CDC25C: variants seen among roughly 807,000 people sequenced by gnomAD.
The protein encoded by CDC25C is M-phase inducer phosphatase 3.
Under a neutral mutation model 52.5 loss-of-function variants are expected in CDC25C, and 48 were observed. The observed-to-expected ratio is 0.91, with a 90% CI of 0.72 to 1.16. The LOEUF is 1.16. Ranked by LOEUF, CDC25C falls within the 50% of genes most tolerant of loss-of-function variation. The probability of loss-of-function intolerance (pLI) is 0.00; values close to 1 mark genes in which losing one functional copy is unlikely to be tolerated. For missense variants in CDC25C, 510 were observed against 566.1 expected (o/e 0.90, Z 1.01); for synonymous variants, 187 against 206.5 (o/e 0.91, Z 0.81).
intron 7 of CDC25C, among the ~76,000 whole-genome samples, chr5:138,315,357 T>C (rs561898622): frequency 6.6e-6 from 1 of 152,294 alleles, no homozygotes; most frequent in South Asian, 2.1e-4. Flanking sequence ...ATGGTATATA[T>C]AGGGTTCAGT....
chr5:138,296,163 G>T (rs1301235060), intron 7 of CDC25C, among the ~76,000 whole-genome samples: 1 of 152,082 alleles, frequency 6.6e-6, no homozygotes, highest in Non-Finnish European at 1.5e-5. Flanking sequence ...CCTCATGTCG[G>T]CTTCCGTTAA....
rs369160937 is a variant in CDC25C at position 138,286,239 on chromosome 5, A to G, written c.1161-106T>C. On this transcript the variant is annotated intron_variant, in intron 12 of 13. Coordinates refer to ENST00000323760, the MANE Select transcript of CDC25C (RefSeq NM_001790.5). ...GAGGAGTAGACTATTGCCAACCTCA[A>G]AAAGGACTTTCCAATCTCCCTGTGT... 2.8e-5 allele frequency: 26 copies of G among 920,676 alleles called. 1 individual carries two copies. The highest frequency in any genetic ancestry group is 7.5e-5 in the East Asian group (3 of 40,112). 57.0% of individuals were successfully genotyped at this position (920,676 alleles called of 1,614,324 possible). A position where few individuals can be genotyped will look rare whatever the true frequency, so the allele number is the denominator to read the frequency against.
chr5:138,328,618 C>T, intron 3 of CDC25C, 89 bp from the exon 4 acceptor site: 8 of 1,077,352 alleles, frequency 7.4e-6, no homozygotes, highest in Non-Finnish European at 8.6e-6. Context: ...TACCAGTAAG[C>T]CGTATTAATT....
intron 2 of CDC25C, among the ~76,000 whole-genome samples, chr5:138,329,946 G>T (rs184616196): frequency 1.3e-5 from 2 of 152,094 alleles, no homozygotes; most frequent in Admixed American, 1.3e-4. Flanking sequence ...AGCCAGGCTG[G>T]TCTTAAACTC....
intron 9 of CDC25C, 56 bp from the exon 10 acceptor site, chr5:138,289,619 T>C: frequency 7.2e-7 from 1 of 1,384,976 alleles, no homozygotes; most frequent in Non-Finnish European, 1.0e-6. Context: ...AAGTTTGAGA[T>C]CAAAGACCCT....
At chr5:138,294,256 A>C (rs913789030) in intron 7 of CDC25C, among the ~76,000 whole-genome samples, 13 of 150,378 alleles carry the variant, frequency 8.6e-5, no homozygotes, top group African/African-American at 2.5e-4. Context: ...CAGTGGCACG[A>C]TCTCGGCTCA....
Position 138,319,200 on chromosome 5 carries a change from C to T in CDC25C, c.615+19G>A, listed in dbSNP as rs966591325. The T allele has an allele frequency of 6.3e-7, 1 of 1,594,912 alleles. No individual in the cohort carries two copies. Among genetic ancestry groups the T allele is most frequent in the Non-Finnish European group, 8.6e-7 (1 of 1,165,962 alleles). On this transcript the variant is annotated intron_variant, in intron 7 of 13. Transcript: ENST00000323760. ...AAGGAATATGAAGAATACAAAGATA[C>T]TACCACAGAACACTTTACCTTTGCT...
At chr5:138,304,045 C>G (rs1409704996) in intron 7 of CDC25C, among the ~76,000 whole-genome samples, 2 of 152,210 alleles carry the variant, frequency 1.3e-5, no homozygotes, top group Non-Finnish European at 2.9e-5. Context: ...CTCTTCACAA[C>G]AAAACACTTC....
Position 138,326,152 on chromosome 5 carries a change from T to C in CDC25C, c.336-98A>G, listed in dbSNP as rs1759838887. 7.2e-6 allele frequency: 9 copies of C among 1,241,470 alleles called. No individual in the cohort carries two copies. In the East Asian group the frequency reaches 2.1e-4, roughly 29 times the overall value. 76.9% of individuals were successfully genotyped at this position (1,241,470 alleles called of 1,614,324 possible). ...ATCCCAACATTTTTCTATTTCATTC[T>C]AGGAGCCCTATTCCTAGTTGATATG... On this transcript the variant is annotated intron_variant, in intron 4 of 13. Coordinates refer to ENST00000323760, the MANE Select transcript of CDC25C (RefSeq NM_001790.5).
At chr5:138,322,957 T>C (rs1759559364) in intron 6 of CDC25C, among the ~76,000 whole-genome samples, 1 of 151,520 alleles carries the variant, frequency 6.6e-6, no homozygotes. Flanking sequence ...TTTTTTCCTT[T>C]TTTTTTTGAG....
intron 7 of CDC25C, among the ~76,000 whole-genome samples, chr5:138,311,275 A>C (rs769050884): frequency 6.6e-6 from 1 of 152,170 alleles, no homozygotes; most frequent in Non-Finnish European, 1.5e-5. Context: ...TAAACTTAAG[A>C]GCTATAACTA....
In CDC25C at chr5:138,329,532, CTT is replaced by C; in HGVS notation, c.289+19_289+20del. 2.7e-6 allele frequency: 4 copies of C among 1,480,118 alleles called. No individual in the cohort carries two copies. Among genetic ancestry groups the C allele is most frequent in the Non-Finnish European group, 2.8e-6 (3 of 1,060,850 alleles). The allele number at this position is 1,480,118 out of a possible 1,614,324, so 91.7% of individuals were successfully genotyped here. A position where few individuals can be genotyped will look rare whatever the true frequency, so the allele number is the denominator to read the frequency against. ...TAAAAGTTATTCTTCCCTTTGAGGC[CTT>C]TATCTCCCTTCTCCCTACCAGTTTC... On this transcript the variant is annotated intron_variant, in intron 3 of 13. Transcript: ENST00000323760.
intron 7 of CDC25C, among the ~76,000 whole-genome samples, chr5:138,308,262 C>A (rs2126741372): frequency 6.6e-6 from 1 of 152,282 alleles, no homozygotes; most frequent in African/African-American, 2.4e-5. Context: ...AATGATATTT[C>A]TGAGACTATG....
intron 3 of CDC25C, among the ~76,000 whole-genome samples, chr5:138,329,239 G>A (rs1346932953): frequency 6.6e-6 from 1 of 152,172 alleles, no homozygotes; most frequent in Non-Finnish European, 1.5e-5. Context: ...CTTTGCCTCT[G>A]CTGAGATTAG....
intron 8 of CDC25C, 107 bp from the exon 9 acceptor site, chr5:138,290,847 T>C (rs1580707690): frequency 2.8e-6 from 2 of 708,764 alleles, no homozygotes; most frequent in East Asian, 5.4e-5. Flanking sequence ...CCTAGCTACA[T>C]GGGAGGCTGA....
At position 138,327,889 on chromosome 5, in the gene CDC25C, C is replaced by T. The variant is rs537921510; in HGVS notation, c.335+595G>A. 2.9e-3 allele frequency among the ~76,000 whole-genome samples: 429 copies of T among 148,992 alleles called. 1 individual carries two copies. The highest frequency in any genetic ancestry group is 6.7e-3 in the Admixed American group (99 of 14,864). The stretch of plus-strand genomic sequence containing the variant: ...TTTCTTTTTTTTTTTTTTTCTGAGA[C>T]GGAGTCTCGCTCTGTCGCCCAGGCT... On this transcript the variant is annotated intron_variant, in intron 4 of 13. Transcript: ENST00000323760.
At chr5:138,313,362 A>G (rs1758598288) in intron 7 of CDC25C, among the ~76,000 whole-genome samples, 1 of 144,520 alleles carries the variant, frequency 6.9e-6, no homozygotes, top group Non-Finnish European at 1.5e-5. Context: ...TGGGCGACAG[A>G]GCAAGACTAT....
intron 7 of CDC25C, among the ~76,000 whole-genome samples, chr5:138,315,694 A>G (rs1758820063): frequency 1.3e-5 from 2 of 152,216 alleles, no homozygotes; most frequent in African/African-American, 4.8e-5. Flanking sequence ...TCTCCATTTT[A>G]TAAATTAAAA....
chr5:138,285,956 GA>G, intron 13 of CDC25C, 65 bp downstream of exon 13: 1 of 1,536,736 alleles, frequency 6.5e-7, no homozygotes, highest in Admixed American at 1.7e-5. Flanking sequence ...TTTCTTCTCT[GA>G]AGGCTTTGCA....
Sources: allele counts gnomAD v4.1 joint callset (sites outside exome capture counted in the v4.1 genomes callset), GRCh38; gene constraint gnomAD v4.1.1; transcripts MANE v1.5; gene names NCBI Gene and HGNC (gene_info 2026-07-23, HGNC 2026-07-21).